The following ZBBX variants were observed in gnomAD, a reference collection of about 807,000 sequenced individuals.
The protein encoded by ZBBX is zinc finger B-box domain-containing protein 1.
A neutral mutation model predicts 108.5 loss-of-function variants in ZBBX; 101 were observed. The observed-to-expected ratio is 0.93, with a 90% CI of 0.79 to 1.10. The LOEUF (loss-of-function observed/expected upper bound fraction) is 1.10, where lower values mean the gene tolerates loss of function less well. Ranked by LOEUF, ZBBX falls within the 50% of genes least tolerant of loss-of-function variation. The probability of loss-of-function intolerance (pLI) is 0.00; values close to 1 mark genes in which losing one functional copy is unlikely to be tolerated. For missense variants in ZBBX, 1,009 were observed against 941.4 expected, an observed-to-expected ratio of 1.07 and a Z score of -0.94; for synonymous variants, 356 against 323.4, an observed-to-expected ratio of 1.10 and a Z score of -1.08.
chr3:167,401,838 G>C (rs893956080), intron 1 of ZBBX, among the ~76,000 whole-genome samples: 5 of 152,158 alleles, frequency 3.3e-5, no homozygotes, highest in Non-Finnish European at 7.4e-5. Context: ...GTTCTAGACG[G>C]AGTTGCTCTG....
the ZBBX span, among the ~76,000 whole-genome samples, chr3:167,217,584 C>T: frequency 6.6e-6 from 1 of 152,140 alleles, no homozygotes; most frequent in Admixed American, 6.6e-5. Flanking sequence ...AGCAGAACTA[C>T]CATTCAACCC....
At chr3:167,201,333 G>C in the ZBBX span, among the ~76,000 whole-genome samples, 1 of 152,106 alleles carries the variant, frequency 6.6e-6, no homozygotes, top group Non-Finnish European at 1.5e-5. Context: ...AATCTATTCA[G>C]TGATCTGAAA....
intron 20 of ZBBX, chr3:167,248,685 C>T: frequency 2.2e-6 from 1 of 456,552 alleles, no homozygotes; most frequent in Non-Finnish European, 4.4e-6. Flanking sequence ...GATTCAAAGC[C>T]AGGCAACAGG....
At chr3:167,266,792 G>A (rs367828022) in intron 20 of ZBBX, among the ~76,000 whole-genome samples, 6 of 152,274 alleles carry the variant, frequency 3.9e-5, no homozygotes, top group Non-Finnish European at 7.4e-5. Flanking sequence ...TTGAGGCATC[G>A]GAAATTCATT....
At chr3:167,218,057 A>G in the ZBBX span, among the ~76,000 whole-genome samples, 1 of 151,924 alleles carries the variant, frequency 6.6e-6, no homozygotes, top group Non-Finnish European at 1.5e-5. Flanking sequence ...TCTCACTTTC[A>G]AGTGGGAGCT....
At chr3:167,287,305 ATTCAGAC>A (rs1729881637) in intron 19 of ZBBX, among the ~76,000 whole-genome samples, 3 of 152,142 alleles carry the variant, frequency 2.0e-5, no homozygotes, top group African/African-American at 7.2e-5. Context: ...AAAATATGGT[ATTCAGAC>A]TGTTTATATT....
chr3:167,211,272 C>T, the ZBBX span, among the ~76,000 whole-genome samples: 2 of 152,144 alleles, frequency 1.3e-5, no homozygotes, highest in African/African-American at 2.4e-5. Flanking sequence ...TGAACCCACT[C>T]GCTAGGGCCT....
At chr3:167,236,108 C>A (rs1720222402), downstream of ZBBX, among the ~76,000 whole-genome samples, 1 of 151,666 alleles carries the variant, frequency 6.6e-6, no homozygotes, top group South Asian at 2.1e-4. Context: ...TCATAAAATT[C>A]TGGTAAAATT....
chr3:167,197,384 A>C, the ZBBX span, among the ~76,000 whole-genome samples: 1 of 151,984 alleles, frequency 6.6e-6, no homozygotes, highest in African/African-American at 2.4e-5. Flanking sequence ...TAAAAATACA[A>C]AAAATTAGCC....
At chr3:167,292,051 T>A (rs571714021) in intron 18 of ZBBX, among the ~76,000 whole-genome samples, 136 of 152,294 alleles carry the variant, frequency 8.9e-4, no homozygotes, top group African/African-American at 3.1e-3. Flanking sequence ...CCCAGATTCA[T>A]AAAGCAAGTT....
At chr3:167,195,624 C>T in the ZBBX span, among the ~76,000 whole-genome samples, 1 of 152,296 alleles carries the variant, frequency 6.6e-6, no homozygotes, top group African/African-American at 2.4e-5. Flanking sequence ...GTCACACCAT[C>T]TGCTCTAACT....
At chr3:167,238,042 A>G (rs1358301853), downstream of ZBBX, among the ~76,000 whole-genome samples, 1 of 152,026 alleles carries the variant, frequency 6.6e-6, no homozygotes, top group African/African-American at 2.4e-5. Flanking sequence ...TTGTTTCTTC[A>G]TCACAAGGGA....
chr3:167,253,364 A>C (rs1479474235), intron 20 of ZBBX, among the ~76,000 whole-genome samples: 3 of 152,186 alleles, frequency 2.0e-5, no homozygotes, highest in Middle Eastern at 3.2e-3. Context: ...TAAGGAGGAG[A>C]CATCTGAAAT....
At chr3:167,257,458 T>C (rs1031776165) in intron 20 of ZBBX, among the ~76,000 whole-genome samples, 2 of 152,108 alleles carry the variant, frequency 1.3e-5, no homozygotes, top group Non-Finnish European at 2.9e-5. Context: ...AACAGCATAG[T>C]TATGTTTCAG....
chr3:167,203,029 T>C, the ZBBX span, among the ~76,000 whole-genome samples: 12 of 152,156 alleles, frequency 7.9e-5, no homozygotes, highest in African/African-American at 2.9e-4. Flanking sequence ...TGATCTAATA[T>C]AAAATATGGG....
intron 1 of ZBBX, among the ~76,000 whole-genome samples, chr3:167,391,427 G>A (rs1560215397): frequency 6.6e-6 from 1 of 151,976 alleles, no homozygotes; most frequent in Non-Finnish European, 1.5e-5. Context: ...GTTCATCAGG[G>A]ATAATGGCCT....
intron 12 of ZBBX, among the ~76,000 whole-genome samples, chr3:167,320,110 C>T (rs1442221265): frequency 6.6e-6 from 1 of 151,484 alleles, no homozygotes; most frequent in African/African-American, 2.4e-5. Flanking sequence ...CACCTAGAGT[C>T]CAGATCTTTG....
At chr3:167,224,450 A>G in the ZBBX span, among the ~76,000 whole-genome samples, 1 of 151,942 alleles carries the variant, frequency 6.6e-6, no homozygotes, top group Non-Finnish European at 1.5e-5. Flanking sequence ...AAATGCTAAG[A>G]GAATGGATGT....
chr3:167,228,644 C>T, the ZBBX span, among the ~76,000 whole-genome samples: 2 of 151,722 alleles, frequency 1.3e-5, no homozygotes, highest in Non-Finnish European at 2.9e-5. Context: ...TTGTGTAGTT[C>T]GAAAAGCATT....
Sources: gnomAD v4.1 joint callset for allele counts (sites outside exome capture counted in the v4.1 genomes callset) on GRCh38, gnomAD v4.1.1 for gene constraint, MANE v1.5 for transcripts, NCBI Gene and HGNC (gene_info 2026-07-23, HGNC 2026-07-21) for gene names.